The following THAP5 variants were observed in gnomAD, a reference collection of about 807,000 sequenced individuals.
THAP5 encodes the protein THAP domain-containing protein 5.
Under a neutral mutation model 34.0 loss-of-function variants are expected in THAP5, and 26 were observed. The ratio of observed to expected loss-of-function variants is 0.77; its 90% confidence interval spans 0.56 to 1.06. The LOEUF is 1.06. Among genes scored for constraint, THAP5 ranks in the 50% least tolerant of loss-of-function variants. The pLI is 0.00. For synonymous variants in THAP5, 125 were observed against 153.0 expected, an observed-to-expected ratio of 0.82 and a Z score of 1.35; for missense variants, 394 against 452.8, an observed-to-expected ratio of 0.87 and a Z score of 1.18.
chr7:108,562,020 A>G (rs1404186671), downstream of THAP5, among the ~76,000 whole-genome samples: 3 of 152,212 alleles, frequency 2.0e-5, no homozygotes, highest in Non-Finnish European at 4.4e-5. Flanking sequence ...ACAGCTGAGC[A>G]TCCCCAATTC....
the THAP5 span, among the ~76,000 whole-genome samples, chr7:108,543,658 GT>G: frequency 3.9e-5 from 6 of 152,126 alleles, no homozygotes; most frequent in Admixed American, 3.9e-4. Flanking sequence ...GCATATCTAG[GT>G]CTGAAATATC....
chr7:108,568,044 C>T (rs1054473386), intron 1 of THAP5, among the ~76,000 whole-genome samples: 4 of 152,188 alleles, frequency 2.6e-5, no homozygotes, highest in Admixed American at 6.5e-5. Flanking sequence ...TTGCTACAAA[C>T]ATTCTCAGAG....
the THAP5 span, among the ~76,000 whole-genome samples, chr7:108,545,475 G>A: frequency 4.6e-5 from 7 of 152,276 alleles, no homozygotes; most frequent in East Asian, 1.3e-3. Flanking sequence ...AATATTTACA[G>A]ACAATTTTAG....
downstream of THAP5, among the ~76,000 whole-genome samples, chr7:108,550,249 T>C (rs1864345258): frequency 6.6e-6 from 1 of 152,188 alleles, no homozygotes. Context: ...AGTTTGGAGC[T>C]ACTCTATTCT....
Position 108,569,654 on chromosome 7 carries a change from C to A in THAP5, c.-85G>T. On this transcript the variant is annotated 5_prime_UTR_variant, in exon 1 of 3. In the 5' UTR this introduces an upstream ATG that the reference lacks. Coordinates refer to ENST00000415914, the MANE Select transcript of THAP5 (RefSeq NM_001130475.3). ...CTGAGGATGCGCCACAGGTCCAGGC[C>A]TCTCGAGCCCCTGCGCCTGCGCTAG... 6.7e-7 allele frequency: 1 copy of A among 1,502,304 alleles called. No homozygotes were observed. Among genetic ancestry groups the A allele is most frequent in the Non-Finnish European group, 9.0e-7 (1 of 1,114,712 alleles). 93.1% of individuals were successfully genotyped at this position (1,502,304 alleles called of 1,614,324 possible). A position where few individuals can be genotyped will look rare whatever the true frequency, so the allele number is the denominator to read the frequency against.
intron 2 of THAP5, 142 bp from the exon 3 acceptor site, chr7:108,565,247 A>G (rs1293549773): frequency 1.4e-5 from 8 of 592,132 alleles, no homozygotes; most frequent in Non-Finnish European, 1.9e-5. Context: ...TATATACCTT[A>G]AAGTATTTTC....
At chr7:108,567,064 A>G (rs940837270) in intron 1 of THAP5, among the ~76,000 whole-genome samples, 5 of 152,106 alleles carry the variant, frequency 3.3e-5, no homozygotes, top group African/African-American at 2.4e-5. Context: ...GTTTTGTAGT[A>G]GCATCATTTT....
intron 2 of THAP5, chr7:108,565,495 G>C (rs1405570876): frequency 5.4e-6 from 1 of 184,360 alleles, no homozygotes; most frequent in Non-Finnish European, 1.1e-5. Context: ...TTGAACCCAG[G>C]AGGCAGAGGT....
chr7:108,569,314 A>C (rs1429773561), intron 1 of THAP5, 176 bp downstream of exon 1: 5 of 1,449,684 alleles, frequency 3.4e-6, no homozygotes, highest in Non-Finnish European at 4.5e-6. Flanking sequence ...TCGCGCAAGA[A>C]GGGCATTGCT....
chr7:108,542,201 T>C, the THAP5 span, among the ~76,000 whole-genome samples: 2 of 152,206 alleles, frequency 1.3e-5, no homozygotes, highest in African/African-American at 4.8e-5. Flanking sequence ...TATAGATATA[T>C]ATTATGTAGC....
chr7:108,554,126 C>T (rs1211541964), downstream of THAP5, among the ~76,000 whole-genome samples: 1 of 152,084 alleles, frequency 6.6e-6, no homozygotes, highest in Non-Finnish European at 1.5e-5. Flanking sequence ...CTATCAGATG[C>T]CAGTGCCTTC....
intron 1 of THAP5, among the ~76,000 whole-genome samples, chr7:108,567,811 A>T (rs2154518144): frequency 6.6e-6 from 1 of 152,334 alleles, no homozygotes; most frequent in South Asian, 2.1e-4. Context: ...ACACAAGAAA[A>T]TTTTTTAAAA....
At chr7:108,552,725 G>A (rs778140533), downstream of THAP5, among the ~76,000 whole-genome samples, 7 of 152,100 alleles carry the variant, frequency 4.6e-5, no homozygotes, top group African/African-American at 9.7e-5. Flanking sequence ...GCTTGAACCC[G>A]GGAGGCAGAG....
Position 108,569,654 on chromosome 7 carries a change from C to G in THAP5, c.-85G>C. On this transcript the variant is annotated 5_prime_UTR_variant, in exon 1 of 3. Transcript: ENST00000415914. Reference sequence around the variant, plus strand: ...CTGAGGATGCGCCACAGGTCCAGGCCTCTCGAGCCCCTGCGCCTGCGCTAG... The same window carrying G: ...CTGAGGATGCGCCACAGGTCCAGGCGTCTCGAGCCCCTGCGCCTGCGCTAG... 1 of 1,502,304 alleles carries G rather than the reference C, an allele frequency of 6.7e-7. No homozygotes were observed. The highest frequency in any genetic ancestry group is 9.0e-7 in the Non-Finnish European group (1 of 1,114,712). 93.1% of individuals were successfully genotyped at this position (1,502,304 alleles called of 1,614,324 possible).
At chr7:108,559,003 A>G (rs1169086509), downstream of THAP5, among the ~76,000 whole-genome samples, 2 of 152,244 alleles carry the variant, frequency 1.3e-5, no homozygotes, top group African/African-American at 2.4e-5. Flanking sequence ...TGAAATATTC[A>G]TCATGTTTCT....
chr7:108,567,106 G>A (rs564285449), intron 1 of THAP5, among the ~76,000 whole-genome samples: 165 of 152,084 alleles, frequency 1.1e-3, no homozygotes, highest in Non-Finnish European at 1.9e-3. Flanking sequence ...TTTTTAAGAT[G>A]CCATGGAAAG....
At chr7:108,559,186 T>C (rs769401668), downstream of THAP5, among the ~76,000 whole-genome samples, 4 of 152,194 alleles carry the variant, frequency 2.6e-5, no homozygotes, top group Non-Finnish European at 4.4e-5. Context: ...ATTGAGTCAA[T>C]ATCACAGCCA....
chr7:108,556,432 G>A (rs1021834208), intron 1 of THAP5, among the ~76,000 whole-genome samples: 3 of 152,170 alleles, frequency 2.0e-5, no homozygotes, highest in South Asian at 2.1e-4. Flanking sequence ...CTACAGTGGG[G>A]GTACAGGCAT....
chr7:108,547,619 A>G, the THAP5 span, among the ~76,000 whole-genome samples: 5 of 152,342 alleles, frequency 3.3e-5, no homozygotes. Context: ...TTTCCCTAAA[A>G]TTATGAGGCA....
Sources: allele counts gnomAD v4.1 joint callset (sites outside exome capture counted in the v4.1 genomes callset), GRCh38; gene constraint gnomAD v4.1.1; transcripts MANE v1.5; gene names NCBI Gene and HGNC (gene_info 2026-07-23, HGNC 2026-07-21).